Variants in ANKRD28 observed in about 807,000 individuals in gnomAD.
ANKRD28 encodes the protein ankyrin repeat domain 28.
Under a neutral mutation model 126.5 loss-of-function variants are expected in ANKRD28, and 44 were observed. That is an observed-to-expected ratio of 0.35 (90% CI 0.27 to 0.45). ANKRD28 has a LOEUF of 0.45. ANKRD28 is among the 20% of genes least tolerant of loss of function. The probability of loss-of-function intolerance (pLI) is 1.00; values close to 1 mark genes in which losing one functional copy is unlikely to be tolerated. For synonymous variants in ANKRD28, 442 were observed against 468.5 expected (o/e 0.94, Z 0.73); for missense variants, 1,110 against 1,316.6 (o/e 0.84, Z 2.43).
intron 4 of ANKRD28, among the ~76,000 whole-genome samples, chr3:15,748,245 T>C (rs2057614403): frequency 1.3e-5 from 2 of 152,218 alleles, no homozygotes; most frequent in African/African-American, 4.8e-5. Context: ...ATTTGTTGCC[T>C]GAATACCTTT....
intron 2 of ANKRD28, among the ~76,000 whole-genome samples, chr3:15,773,396 G>A (rs2059110963): frequency 6.6e-6 from 1 of 152,194 alleles, no homozygotes; most frequent in South Asian, 2.1e-4. Flanking sequence ...AGGCTAAGGT[G>A]GGCGGATCAC....
At chr3:15,671,295 A>G (rs1294253045) in intron 27 of ANKRD28, among the ~76,000 whole-genome samples, 1 of 152,228 alleles carries the variant, frequency 6.6e-6, no homozygotes, top group Non-Finnish European at 1.5e-5. Context: ...TTGGTACCTC[A>G]GTTGGTACAA....
At chr3:15,809,561 T>C (rs2060664111) in intron 1 of ANKRD28, among the ~76,000 whole-genome samples, 1 of 152,194 alleles carries the variant, frequency 6.6e-6, no homozygotes, top group African/African-American at 2.4e-5. Flanking sequence ...CTTTCGGGAT[T>C]GTGAGGACAC....
At chr3:15,755,505 T>C (rs1379016868) in intron 3 of ANKRD28, among the ~76,000 whole-genome samples, 1 of 152,226 alleles carries the variant, frequency 6.6e-6, no homozygotes, top group Non-Finnish European at 1.5e-5. Context: ...AAGTTATCTA[T>C]ATATTCATAT....
chr3:15,828,913 G>A (rs140178519), intron 1 of ANKRD28, among the ~76,000 whole-genome samples: 1,745 of 152,214 alleles, frequency 0.011, 102 homozygotes, highest in Admixed American at 0.086. Flanking sequence ...GTACATTCAC[G>A]TCTGAAATAT....
chr3:15,687,529 G>GA (rs948588091), intron 18 of ANKRD28, among the ~76,000 whole-genome samples: 7 of 151,936 alleles, frequency 4.6e-5, no homozygotes, highest in Non-Finnish European at 8.8e-5. Context: ...AAATACATTA[G>GA]AAAAAAATGT....
At chr3:15,740,176 A>C (rs1430105114) in intron 4 of ANKRD28, among the ~76,000 whole-genome samples, 2 of 152,222 alleles carry the variant, frequency 1.3e-5, no homozygotes, top group Non-Finnish European at 2.9e-5. Context: ...AAGTTCTAGA[A>C]TACGGAAATT....
At chr3:15,720,571 T>G (rs1205228113) in intron 8 of ANKRD28, among the ~76,000 whole-genome samples, 35 of 152,206 alleles carry the variant, frequency 2.3e-4, no homozygotes, top group Non-Finnish European at 1.5e-5. Flanking sequence ...GTATATAACA[T>G]AAACCCCTGC....
In ANKRD28 at chr3:15,796,498, A is replaced by C. The variant is rs2060280100; in HGVS notation, c.24T>G (p.Val8=). The C allele has an allele frequency of 1.6e-6, 2 of 1,288,954 alleles. No individual in the cohort carries two copies. The highest frequency in any genetic ancestry group is 1.5e-5 in the African/African-American group (1 of 65,824). 79.8% of individuals were successfully genotyped at this position (1,288,954 alleles called of 1,614,324 possible). ...GAGATTCATCTTCTACCTCCTCCAAAACAACAATACACACTCGACTCATTC... is the reference window on the plus strand; with the variant it reads ...GAGATTCATCTTCTACCTCCTCCAACACAACAATACACACTCGACTCATTC... MSRVCIV[V]LEEVEDESPA... is the part of the protein sequence containing the mutation. The change falls in exon 1 of 28, where the codon GTT becomes GTG. Residue 8 remains valine, a synonymous_variant. Coordinates refer to ENST00000683139, the MANE Select transcript of ANKRD28 (RefSeq NM_001349278.2).
At chr3:15,673,480 C>T (rs35606675) in intron 27 of ANKRD28, among the ~76,000 whole-genome samples, 22,491 of 152,126 alleles carry the variant, frequency 0.15, 2,194 homozygotes, top group Non-Finnish European at 0.2. Flanking sequence ...TCTTGTGGAG[C>T]TTACATTCAC....
chr3:15,706,073 G>C (rs13084331), intron 14 of ANKRD28, among the ~76,000 whole-genome samples: 1 of 150,530 alleles, frequency 6.6e-6, no homozygotes, highest in Non-Finnish European at 1.5e-5. Context: ...TTTTTTTTTT[G>C]TGTGTGTGTG....
rs200399481 is a variant in ANKRD28, at chr3:15,789,443, A to AAAAAG, written c.201+5775_201+5779dup. Among the ~76,000 whole-genome samples, 8 of 145,420 alleles carry AAAAAG rather than the reference A, an allele frequency of 5.5e-5. No homozygotes were observed. The South Asian group carries it at 8.3e-4, about 15-fold the overall frequency. ...AGAGGTTTTCTCCTTTTTTTAAAAA[A>AAAAAG]AAAAGAAAAGAAAAGAAAAGAAAAT... On this transcript the variant is annotated intron_variant, in intron 2 of 27. Coordinates refer to ENST00000683139, the MANE Select transcript of ANKRD28 (RefSeq NM_001349278.2).
intron 4 of ANKRD28, 55 bp downstream of exon 4, chr3:15,751,695 G>A: frequency 9.0e-7 from 1 of 1,116,624 alleles, no homozygotes; most frequent in South Asian, 1.4e-5. Flanking sequence ...GGATTCAGGG[G>A]TACGCCTATT....
intron 17 of ANKRD28, among the ~76,000 whole-genome samples, chr3:15,694,064 A>G (rs1171609532): frequency 1.3e-5 from 2 of 152,114 alleles, no homozygotes; most frequent in South Asian, 2.1e-4. Context: ...CCCCTTCCCT[A>G]CAACTCTAAC....
At chr3:15,802,660 G>A (rs2060486955), upstream of ANKRD28, among the ~76,000 whole-genome samples, 1 of 152,092 alleles carries the variant, frequency 6.6e-6, no homozygotes, top group Admixed American at 6.5e-5. Context: ...ATATTTTCCT[G>A]GATAAGCTAA....
chr3:15,697,469 T>C (rs936267118), intron 14 of ANKRD28: 2 of 152,146 alleles, frequency 1.3e-5, no homozygotes, highest in Non-Finnish European at 2.9e-5. Flanking sequence ...CCAGGAACTA[T>C]TGAAATAAAA....
At position 15,856,702 on chromosome 3, in the gene ANKRD28, C is replaced by A. The variant is rs147680071; in HGVS notation, c.27+2675G>T. Among the ~76,000 whole-genome samples, 18 of 152,308 alleles carry A rather than the reference C, an allele frequency of 1.2e-4. No homozygotes were observed. In the East Asian group the frequency reaches 3.5e-3, roughly 29 times the overall value. Reference sequence around the variant, plus strand: ...GTGGCACAAAATGAGAGAAAATTATCTTATTCAAATTGACTGGCTATGAGA... The same window carrying A: ...GTGGCACAAAATGAGAGAAAATTATATTATTCAAATTGACTGGCTATGAGA... On this transcript the variant is annotated intron_variant, in intron 1 of 27. Transcript: ENST00000399451.
rs1015991287 is a variant in ANKRD28, at chr3:15,833,388, G to A, written c.27+25989C>T. Reference sequence around the variant, plus strand: ...TCCAAGTTATTCAGTTTTGGGGCTCGGACTGGCTATCCTTGCTCCTCAGCT... The same window carrying A: ...TCCAAGTTATTCAGTTTTGGGGCTCAGACTGGCTATCCTTGCTCCTCAGCT... On this transcript the variant is annotated intron_variant, in intron 1 of 27. Transcript: ENST00000399451. This position sits in a 1 kb window ranked among gnomAD's most constrained non-coding sequence, Gnocchi z 4.4. 9.2e-5 allele frequency among the ~76,000 whole-genome samples: 14 copies of A among 151,896 alleles called. No individual in the cohort carries two copies. Among genetic ancestry groups the A allele is most frequent in the African/African-American group, 2.2e-4 (9 of 41,366 alleles).
rs1033629023 is a variant in ANKRD28 at position 15,668,836 on chromosome 3, G to A, written c.*1434C>T. 7 of 152,536 alleles carry A rather than the reference G, an allele frequency of 4.6e-5. No individual in the cohort carries two copies. Among genetic ancestry groups the A allele is most frequent in the African/African-American group, 1.7e-4 (7 of 41,406 alleles). 9.4% of individuals were successfully genotyped at this position (152,536 alleles called of 1,614,324 possible). ...AATTTACAATGTCATAAAGTTTCCAGTTTCACAATACAAAAAGGATAAAAT... is the reference window on the plus strand; with the variant it reads ...AATTTACAATGTCATAAAGTTTCCAATTTCACAATACAAAAAGGATAAAAT... On this transcript the variant is annotated 3_prime_UTR_variant, in exon 28 of 28. Coordinates refer to ENST00000683139, the MANE Select transcript of ANKRD28 (RefSeq NM_001349278.2).
Sources: allele counts gnomAD v4.1 joint callset (sites outside exome capture counted in the v4.1 genomes callset), GRCh38; gene constraint gnomAD v4.1.1; non-coding constraint Gnocchi (gnomAD v3.1); transcripts MANE v1.5; gene names NCBI Gene and HGNC (gene_info 2026-07-23, HGNC 2026-07-21).